The following COL27A1 variants were observed in gnomAD, a reference collection of about 807,000 sequenced individuals.
COL27A1 encodes the protein collagen alpha-1(XXVII) chain.
Under a neutral mutation model 251.3 loss-of-function variants are expected in COL27A1, and 106 were observed. The observed-to-expected ratio is 0.42, with a 90% CI of 0.36 to 0.50. The LOEUF is 0.50. Among genes scored for constraint, COL27A1 ranks in the 20% least tolerant of loss-of-function variants. The pLI, the probability that COL27A1 is intolerant of heterozygous loss-of-function variation, is 0.00. For synonymous variants in COL27A1, 1,000 were observed against 986.3 expected (o/e 1.01, Z -0.26); for missense variants, 2,325 against 2,522.8 (o/e 0.92, Z 1.68).
chr9:114,292,382 T>G (rs2131633899), intron 49 of COL27A1, among the ~76,000 whole-genome samples, 172 bp downstream of exon 49: 1 of 152,322 alleles, frequency 6.6e-6, no homozygotes. Context: ...GATACCATTC[T>G]GCCACCCCTC....
At position 114,168,793 on chromosome 9, in the gene COL27A1, C is replaced by T. The variant is rs1286187416; in HGVS notation, c.1238C>T (p.Pro413Leu). The T allele has an allele frequency of 3.7e-6, 6 of 1,613,924 alleles. No homozygotes were observed. In the Admixed American group the frequency reaches 5.0e-5, roughly 13 times the overall value. The change falls in exon 3 of 61, where the codon CCA (proline) becomes CTA (leucine). Residue 413 changes from proline (P) to leucine (L), a missense_variant. Pro to Leu is a moderately conservative substitution (Grantham distance 98). Coordinates refer to ENST00000356083, the MANE Select transcript of COL27A1 (RefSeq NM_032888.4). ...AAGCAAGTGCCACCTACTTCCCGTCCAGTTCCTGCCAGAGTCTCCCGTCCC... is the reference window on the plus strand; with the variant it reads ...AAGCAAGTGCCACCTACTTCCCGTCTAGTTCCTGCCAGAGTCTCCCGTCCC... ...TQKQVPPTSR[P>L]VPARVSRPAE... is the part of the protein sequence containing the mutation.
Position 114,311,955 on chromosome 9 carries a change from A to T in COL27A1, c.*1260A>T, listed in dbSNP as rs1829475965. The T allele has an allele frequency of 1.3e-5, 2 of 152,130 alleles. No individual in the cohort carries two copies. Among genetic ancestry groups the T allele is most frequent in the Non-Finnish European group, 2.9e-5 (2 of 68,024 alleles). The allele number at this position is 152,130 out of a possible 1,614,324, so 9.4% of individuals were successfully genotyped here. A position where few individuals can be genotyped will look rare whatever the true frequency, so the allele number is the denominator to read the frequency against. ...TTCATTGTCATTAAATTCTGTAGAA[A>T]CCCATTGTCATTAGCTCCAAGTGTA... On this transcript the variant is annotated 3_prime_UTR_variant, in exon 61 of 61. Coordinates refer to ENST00000356083, the MANE Select transcript of COL27A1 (RefSeq NM_032888.4).
intron 7 of COL27A1, among the ~76,000 whole-genome samples, chr9:114,200,999 T>G (rs1829533155): frequency 1.3e-5 from 2 of 152,038 alleles, no homozygotes; most frequent in African/African-American, 4.8e-5. Context: ...ACCCCTCCCC[T>G]CCCTGCCCAA....
intron 23 of COL27A1, among the ~76,000 whole-genome samples, chr9:114,243,925 ATTTTTTTTTTTT>A (rs397894289): frequency 1.3e-5 from 1 of 78,724 alleles, no homozygotes. Flanking sequence ...TTTTTCTTTC[ATTTTTTTTTTTT>A]TTTTTTTGAG....
chr9:114,207,738 A>G (rs1830063318), intron 10 of COL27A1, among the ~76,000 whole-genome samples: 1 of 152,230 alleles, frequency 6.6e-6, no homozygotes, highest in African/African-American at 2.4e-5. Context: ...AATCAGGATG[A>G]CAGGCTTTGA....
chr9:114,304,579 G>A lies in COL27A1; in HGVS notation c.4873-29G>A, dbSNP rs570011375. ...GGTGTGGAGAACCCTGGGGGGCCAC[G>A]ATACATACCCTGTCTTTTCCTTGCC... On this transcript the variant is annotated intron_variant, in intron 56 of 60. Transcript: ENST00000356083. 41 of 1,613,062 alleles carry A rather than the reference G, an allele frequency of 2.5e-5. No individual in the cohort carries two copies. The East Asian group carries it at 2.7e-4, about 11-fold the overall frequency.
At chr9:114,202,397 G>A (rs1216638875) in intron 7 of COL27A1, among the ~76,000 whole-genome samples, 4 of 152,200 alleles carry the variant, frequency 2.6e-5, no homozygotes, top group African/African-American at 7.2e-5. Context: ...GGCAGAGTGA[G>A]CTTCAGAGAG....
In COL27A1 at chr9:114,168,799, C is replaced by T; in HGVS notation, c.1244C>T (p.Pro415Leu). The change falls in exon 3 of 61, where the codon CCT becomes CTT. Residue 415 changes from proline (P) to leucine (L), a missense_variant. By Grantham distance (98) the Pro-to-Leu change is moderately conservative (BLOSUM62 -3). Transcript: ENST00000356083. ...KQVPPTSRPV[P>L]ARVSRPAEKP... ...GTGCCACCTACTTCCCGTCCAGTTC[C>T]TGCCAGAGTCTCCCGTCCCGCAGAG... 6.2e-7 allele frequency: 1 copy of T among 1,614,056 alleles called. No homozygotes were observed. The highest frequency in any genetic ancestry group is 8.5e-7 in the Non-Finnish European group (1 of 1,180,020).
At chr9:114,218,096 G>A in intron 12 of COL27A1, 2 of 270,086 alleles carry the variant, frequency 7.4e-6, no homozygotes, top group Non-Finnish European at 1.5e-5. Flanking sequence ...GACAGAGTGA[G>A]ACCCTGTATC....
chr9:114,272,584 A>T (rs1835220258), intron 36 of COL27A1: 1 of 152,214 alleles, frequency 6.6e-6, no homozygotes. Context: ...GAGTGCTTTT[A>T]CACCCGTTAT....
Position 114,290,375 on chromosome 9 carries a change from C to A in COL27A1, c.4368+44C>A, listed in dbSNP as rs998290814. 5.8e-5 allele frequency: 87 copies of A among 1,496,758 alleles called. No individual in the cohort carries two copies. Among genetic ancestry groups the A allele is most frequent in the Non-Finnish European group, 7.3e-5 (80 of 1,096,946 alleles). The allele number at this position is 1,496,758 out of a possible 1,614,324, so 92.7% of individuals were successfully genotyped here. A position where few individuals can be genotyped will look rare whatever the true frequency, so the allele number is the denominator to read the frequency against. On this transcript the variant is annotated intron_variant, in intron 47 of 60. Transcript: ENST00000356083. This position sits in a 1 kb window ranked among gnomAD's most constrained non-coding sequence, Gnocchi z 4.6. ...TAACAGATGGTGGCTCCATTTGGGA[C>A]CAGGTGTAGGGGAACTTCCCCAGGC...
rs1312361180 is a variant in COL27A1 at position 114,302,093 on chromosome 9, G to T, written c.4857G>T (p.Gly1619=). ...GTCTTCTTTTGCAGGGTCCTCCAGGGGGTCCTATCCAATTGGTAAGTTGGA... is the reference window on the plus strand; with the variant it reads ...GTCTTCTTTTGCAGGGTCCTCCAGGTGGTCCTATCCAATTGGTAAGTTGGA... ...RGRPGPPGPP[G]GPIQLQQDDL... Residue 1619 remains glycine, a synonymous_variant, in exon 56 of 61, where the codon GGG becomes GGT. Transcript: ENST00000356083. 6 of 1,612,828 alleles carry T rather than the reference G, an allele frequency of 3.7e-6. No individual in the cohort carries two copies. The highest frequency in any genetic ancestry group is 4.5e-5 in the East Asian group (2 of 44,888).
At chr9:114,235,563 C>T (rs1307842342) in intron 16 of COL27A1, 36 bp from the exon 17 acceptor site, 9 of 1,575,836 alleles carry the variant, frequency 5.7e-6, no homozygotes, top group African/African-American at 2.7e-5. Flanking sequence ...ACCCACGTGG[C>T]CTCCATTGTA....
At position 114,197,849 on chromosome 9, in the gene COL27A1, C is replaced by T. The variant is rs377308676; in HGVS notation, c.2124+1837C>T. The stretch of plus-strand genomic sequence containing the variant: ...AAGAGTTTCGTCTGTGGCAGGCTGG[C>T]GTCACCCACTTACAGAGGGTGCTGG... On this transcript the variant is annotated intron_variant, in intron 7 of 60. Transcript: ENST00000356083. 5.4e-3 allele frequency among the ~76,000 whole-genome samples: 825 copies of T among 152,332 alleles called. 6 individuals are homozygous for T. Among genetic ancestry groups the T allele is most frequent in the African/African-American group, 0.019 (781 of 41,588 alleles).
Position 114,224,784 on chromosome 9 carries a change from C to T in COL27A1, c.2466+2517C>T, listed in dbSNP as rs556961265. ...CCTCCCACCTCAGCCTCCCAAGTAG[C>T]TGGGACAACAGGTGTGTACCATGAT... On this transcript the variant is annotated intron_variant, in intron 14 of 60. Transcript: ENST00000356083. Among the ~76,000 whole-genome samples the T allele has an allele frequency of 7.9e-5, 12 of 151,394 alleles. No homozygotes were observed. The South Asian group carries it at 2.5e-3, about 32-fold the overall frequency.
chr9:114,187,547 C>T (rs1412513678), intron 5 of COL27A1, among the ~76,000 whole-genome samples: 2 of 152,254 alleles, frequency 1.3e-5, no homozygotes, highest in African/African-American at 2.4e-5. Flanking sequence ...GCAGAGCACG[C>T]ATTCAAACCC....
chr9:114,302,848 C>T (rs976584950), intron 56 of COL27A1, among the ~76,000 whole-genome samples: 2 of 152,036 alleles, frequency 1.3e-5, no homozygotes, highest in Non-Finnish European at 2.9e-5. Context: ...TATGACGAGT[C>T]CATCCACATT....
chr9:114,295,264 A>G (rs888116710), intron 49 of COL27A1, among the ~76,000 whole-genome samples: 1 of 152,274 alleles, frequency 6.6e-6, no homozygotes, highest in African/African-American at 2.4e-5. Context: ...ACTGAGAACT[A>G]TAGAACACTG....
chr9:114,284,641 C>A (rs1827331158), intron 40 of COL27A1, 83 bp from the exon 41 acceptor site: 3 of 1,431,844 alleles, frequency 2.1e-6, no homozygotes, highest in Non-Finnish European at 3.0e-6. Flanking sequence ...AGTTTTGCAG[C>A]CCAGTATCCC....
Sources: allele counts gnomAD v4.1 joint callset (sites outside exome capture counted in the v4.1 genomes callset), GRCh38; gene constraint gnomAD v4.1.1; non-coding constraint Gnocchi (gnomAD v3.1); transcripts MANE v1.5; gene names NCBI Gene and HGNC (gene_info 2026-07-23, HGNC 2026-07-21).